KIRREL1: variants seen among roughly 807,000 people sequenced by gnomAD.
KIRREL1 encodes kin of IRRE-like protein 1.
KIRREL1 carries 25 observed loss-of-function variants against 83.3 expected under a neutral mutation model. The observed-to-expected ratio is 0.30, with a 90% CI of 0.22 to 0.42. The LOEUF (loss-of-function observed/expected upper bound fraction) is 0.42. KIRREL1 is among the 10% of genes least tolerant of loss of function. The probability of loss-of-function intolerance (pLI) is 1.00; values close to 1 mark genes in which losing one functional copy is unlikely to be tolerated. For synonymous variants in KIRREL1, 388 were observed against 410.4 expected (o/e 0.95, Z 0.66); for missense variants, 812 against 1,032.3 (o/e 0.79, Z 2.92).
chr1:158,092,899 C>T (rs73024687), intron 11 of KIRREL1, among the ~76,000 whole-genome samples: 6,624 of 152,216 alleles, frequency 0.044, 454 homozygotes, highest in African/African-American at 0.15. Context: ...GGTGAACATT[C>T]GGCAGTCACA....
chr1:158,041,273 G>A (rs753271222), intron 1 of KIRREL1, among the ~76,000 whole-genome samples: 4 of 152,214 alleles, frequency 2.6e-5, no homozygotes, highest in Non-Finnish European at 5.9e-5. Context: ...CCGCATAGGT[G>A]TGCATACATC....
chr1:158,040,242 G>C (rs1335897498), intron 1 of KIRREL1, among the ~76,000 whole-genome samples: 2 of 152,166 alleles, frequency 1.3e-5, no homozygotes, highest in African/African-American at 4.8e-5. Context: ...TGACCTCCAG[G>C]ATGTAGATAT....
At chr1:158,091,577 C>T in intron 11 of KIRREL1, 21 bp downstream of exon 11, 2 of 1,611,300 alleles carry the variant, frequency 1.2e-6, no homozygotes, top group Non-Finnish European at 8.5e-7. Flanking sequence ...GTGCTGCCTG[C>T]CAGCTGGGGT....
At chr1:158,016,282 G>T (rs1451197730) in intron 1 of KIRREL1, among the ~76,000 whole-genome samples, 3 of 147,144 alleles carry the variant, frequency 2.0e-5, no homozygotes, top group Non-Finnish European at 4.5e-5. Context: ...CTAGACTGGG[G>T]GACAGAGCGA....
Position 158,088,375 on chromosome 1 carries a change from G to A in KIRREL1, c.965G>A (p.Gly322Asp). 2 of 1,613,506 alleles carry A rather than the reference G, an allele frequency of 1.2e-6. No homozygotes were observed. The highest frequency in any genetic ancestry group is 1.7e-6 in the Non-Finnish European group (2 of 1,179,960). Residue 322 changes from glycine (G) to aspartate (D), a missense_variant, in exon 8 of 15, where the codon GGC (glycine) becomes GAC (aspartate). Coordinates refer to ENST00000359209, the MANE Select transcript of KIRREL1 (RefSeq NM_018240.7). ...VDPKPTTTDIGSDVTLTCVWV... is the reference protein window; with the variant it reads ...VDPKPTTTDIDSDVTLTCVWV... Reference sequence around the variant, plus strand: ...CCCAAACCCACAACCACAGACATTGGCTCTGATGTGACCCTTACCTGTGTC... The same window carrying A: ...CCCAAACCCACAACCACAGACATTGACTCTGATGTGACCCTTACCTGTGTC...
At chr1:158,039,897 T>G (rs981394491) in intron 1 of KIRREL1, among the ~76,000 whole-genome samples, 3 of 152,186 alleles carry the variant, frequency 2.0e-5, no homozygotes, top group African/African-American at 7.2e-5. Flanking sequence ...TGGGCGTTGT[T>G]GTTATGTTTT....
At chr1:158,077,559 G>T (rs936700655) in intron 2 of KIRREL1, among the ~76,000 whole-genome samples, 3 of 152,150 alleles carry the variant, frequency 2.0e-5, no homozygotes, top group African/African-American at 7.2e-5. Context: ...CCTGCCTTGG[G>T]CTTCCCTCTG....
At chr1:158,050,244 A>G (rs1423210523) in intron 1 of KIRREL1, among the ~76,000 whole-genome samples, 2 of 151,966 alleles carry the variant, frequency 1.3e-5, no homozygotes, top group Non-Finnish European at 2.9e-5. Context: ...GTGAACATAG[A>G]CTCAATCCAA....
chr1:158,093,231 C>T, intron 11 of KIRREL1, 108 bp from the exon 12 acceptor site: 1 of 869,902 alleles, frequency 1.1e-6, no homozygotes, highest in Non-Finnish European at 1.9e-6. Context: ...GCCCTGTACA[C>T]AAGCCAAGGT....
chr1:158,070,294 A>G (rs1368724163), intron 1 of KIRREL1, among the ~76,000 whole-genome samples: 1 of 152,198 alleles, frequency 6.6e-6, no homozygotes, highest in Non-Finnish European at 1.5e-5. Context: ...AAAATACCTG[A>G]GTTCACATCC....
intron 1 of KIRREL1, among the ~76,000 whole-genome samples, chr1:157,997,094 C>A (rs1659226776): frequency 6.6e-6 from 1 of 152,162 alleles, no homozygotes; most frequent in Non-Finnish European, 1.5e-5. Context: ...TGGTAAGTGC[C>A]CCTTAAATAT....
intron 8 of KIRREL1, among the ~76,000 whole-genome samples, chr1:158,088,963 G>T (rs996624259): frequency 1.3e-5 from 2 of 151,700 alleles, no homozygotes; most frequent in Admixed American, 6.6e-5. Context: ...GCACTGGGGG[G>T]ACAAACTCAC....
At position 158,094,227 on chromosome 1, in the gene KIRREL1, TG is replaced by T; in HGVS notation, c.1720-84del. ...ACCTCAGACCCCACCCATGAGCAGG[TG>T]GCCTCTGAGCGTGGGGAGGGGTTGG... On this transcript the variant is annotated intron_variant, in intron 13 of 14. Transcript: ENST00000359209. This position sits in a 1 kb window ranked among gnomAD's most constrained non-coding sequence, Gnocchi z 4.6. 9.0e-7 allele frequency: 1 copy of T among 1,112,086 alleles called. No homozygotes were observed. Among genetic ancestry groups the T allele is most frequent in the South Asian group, 1.3e-5 (1 of 74,954 alleles). 68.9% of individuals were successfully genotyped at this position (1,112,086 alleles called of 1,614,324 possible). A position where few individuals can be genotyped will look rare whatever the true frequency, so the allele number is the denominator to read the frequency against.
intron 11 of KIRREL1, among the ~76,000 whole-genome samples, chr1:158,092,117 T>C (rs1454718293): frequency 6.6e-6 from 1 of 152,188 alleles, no homozygotes; most frequent in Non-Finnish European, 1.5e-5. Flanking sequence ...TAAGTATGGG[T>C]TCCCCTACCT....
chr1:158,058,627 T>G (rs1399769157), intron 1 of KIRREL1, among the ~76,000 whole-genome samples: 1 of 152,188 alleles, frequency 6.6e-6, no homozygotes, highest in Non-Finnish European at 1.5e-5. Flanking sequence ...GGGGAGCTAG[T>G]GCAGGTACTT....
At position 158,096,711 on chromosome 1, in the gene KIRREL1, C is replaced by A. The variant is rs926669427; in HGVS notation, c.*1591C>A. On this transcript the variant is annotated 3_prime_UTR_variant, in exon 15 of 15. Coordinates refer to ENST00000359209, the MANE Select transcript of KIRREL1 (RefSeq NM_018240.7). ...CTGCTTCTCAGCCACCACTTTCTGA[C>A]CAAAGAGAACAGGCGCTCCAAGGAG... 4.4e-6 allele frequency: 2 copies of A among 456,724 alleles called. No individual in the cohort carries two copies. The allele number at this position is 456,724 out of a possible 1,614,324, so 28.3% of individuals were successfully genotyped here. A position where few individuals can be genotyped will look rare whatever the true frequency, so the allele number is the denominator to read the frequency against.
intron 1 of KIRREL1, among the ~76,000 whole-genome samples, chr1:158,014,533 A>G (rs1414470474): frequency 1.3e-5 from 2 of 151,900 alleles, no homozygotes; most frequent in African/African-American, 4.8e-5. Flanking sequence ...AAGGATTTCA[A>G]AGCAGCAGCC....
At chr1:158,079,000 C>T (rs1661768186) in intron 3 of KIRREL1, among the ~76,000 whole-genome samples, 1 of 152,138 alleles carries the variant, frequency 6.6e-6, no homozygotes, top group Non-Finnish European at 1.5e-5. Context: ...AAGCCTCACT[C>T]TTGCAATACC....
chr1:158,066,268 C>T (rs1661355652), intron 1 of KIRREL1, among the ~76,000 whole-genome samples: 1 of 150,960 alleles, frequency 6.6e-6, no homozygotes, highest in African/African-American at 2.4e-5. Context: ...GCCTTTCCTA[C>T]CTACCTCCAG....
Sources: allele counts gnomAD v4.1 joint callset (sites outside exome capture counted in the v4.1 genomes callset), GRCh38; gene constraint gnomAD v4.1.1; non-coding constraint Gnocchi (gnomAD v3.1); transcripts MANE v1.5; gene names NCBI Gene and HGNC (gene_info 2026-07-23, HGNC 2026-07-21).